FOXP2: variants seen among roughly 807,000 people sequenced by gnomAD.
The protein encoded by FOXP2 is forkhead box P2.
In FOXP2, 12 loss-of-function variants were observed where a neutral mutation model predicts 115.8. That is an observed-to-expected ratio of 0.10 (90% confidence interval 0.07 to 0.17). FOXP2 has a LOEUF of 0.17. Ranked by LOEUF, FOXP2 falls within the 10% of genes least tolerant of loss-of-function variation. The probability of loss-of-function intolerance (pLI) is 1.00; values close to 1 mark genes in which losing one functional copy is unlikely to be tolerated. For missense variants in FOXP2, 629 were observed against 843.5 expected, an observed-to-expected ratio of 0.75 and a Z score of 3.15; for synonymous variants, 328 against 297.7, an observed-to-expected ratio of 1.10 and a Z score of -1.05.
At chr7:114,471,625 C>T (rs1185924969) in intron 2 of FOXP2, among the ~76,000 whole-genome samples, 1 of 152,022 alleles carries the variant, frequency 6.6e-6, no homozygotes, top group Non-Finnish European at 1.5e-5. Flanking sequence ...TATTGTGGTT[C>T]TTAAAAACTG....
chr7:114,382,656 C>T (rs1477416652), intron 2 of FOXP2, among the ~76,000 whole-genome samples: 1 of 151,868 alleles, frequency 6.6e-6, no homozygotes, highest in Admixed American at 6.6e-5. Context: ...TTATAAAAAA[C>T]CGAAGTTGCC....
chr7:114,390,094 T>C (rs1792554811), intron 2 of FOXP2, among the ~76,000 whole-genome samples: 1 of 149,536 alleles, frequency 6.7e-6, no homozygotes, highest in Non-Finnish European at 1.5e-5. Flanking sequence ...TTTTCTGTGG[T>C]GTAAATATTG....
Position 114,102,696 on chromosome 7 carries a change from C to CACACACA in FOXP2, c.-247+14858_-247+14859insACACACA, listed in dbSNP as rs1554414685. 4.4e-5 allele frequency among the ~76,000 whole-genome samples: 6 copies of CACACACA among 136,388 alleles called. No homozygotes were observed. The East Asian group carries it at 1.2e-3, about 28-fold the overall frequency. 89.5% of individuals were successfully genotyped at this position (136,388 alleles called of 152,430 possible). The stretch of plus-strand genomic sequence containing the variant: ...GCTACACACATACAAACACCACACA[C>CACACACA]CACACACACACACACACACACACAC... On this transcript the variant is annotated intron_variant, in intron 1 of 19. Coordinates refer to the FOXP2 transcript ENST00000635638.
At chr7:114,387,984 GT>G (rs1792495471) in intron 2 of FOXP2, among the ~76,000 whole-genome samples, 1 of 152,022 alleles carries the variant, frequency 6.6e-6, no homozygotes, top group Non-Finnish European at 1.5e-5. Flanking sequence ...TTATCTTAAG[GT>G]TTCAGTCATA....
intron 2 of FOXP2, among the ~76,000 whole-genome samples, chr7:114,339,216 T>C (rs959955433): frequency 1.3e-5 from 2 of 151,202 alleles, no homozygotes; most frequent in African/African-American, 4.8e-5. Context: ...GTATTTCAGT[T>C]GTTTGAAGTT....
At chr7:114,437,056 A>ATTT (rs1218152302) in intron 2 of FOXP2, among the ~76,000 whole-genome samples, 2 of 152,168 alleles carry the variant, frequency 1.3e-5, no homozygotes, top group Non-Finnish European at 2.9e-5. Context: ...TTCATTCTTT[A>ATTT]TTTACATTGC....
At chr7:114,489,763 C>T (rs551027411) in intron 2 of FOXP2, among the ~76,000 whole-genome samples, 1 of 152,070 alleles carries the variant, frequency 6.6e-6, no homozygotes, top group Non-Finnish European at 1.5e-5. Context: ...AAATATGGAC[C>T]AAATACCCCA....
chr7:114,111,212 G>A (rs374805057), intron 1 of FOXP2, among the ~76,000 whole-genome samples: 2 of 152,140 alleles, frequency 1.3e-5, no homozygotes, highest in African/African-American at 4.8e-5. Flanking sequence ...TGGCCGGTGC[G>A]ACATCAGTGA....
At chr7:114,127,222 C>A (rs926796358) in intron 1 of FOXP2, among the ~76,000 whole-genome samples, 2 of 152,162 alleles carry the variant, frequency 1.3e-5, no homozygotes, top group African/African-American at 2.4e-5. Flanking sequence ...TCAAAGTCAA[C>A]AAGAGAGTCA....
At chr7:114,336,896 C>G (rs1185719777) in intron 2 of FOXP2, among the ~76,000 whole-genome samples, 1 of 151,402 alleles carries the variant, frequency 6.6e-6, no homozygotes, top group Non-Finnish European at 1.5e-5. Flanking sequence ...CTTTTCAGGA[C>G]AAATTTCACA....
intron 1 of FOXP2, among the ~76,000 whole-genome samples, chr7:114,256,861 C>A (rs998694652): frequency 6.6e-6 from 1 of 152,146 alleles, no homozygotes. Flanking sequence ...GTGAAAATGG[C>A]CATACTGCCC....
At chr7:114,281,162 C>T (rs905731628) in intron 1 of FOXP2, among the ~76,000 whole-genome samples, 5 of 129,152 alleles carry the variant, frequency 3.9e-5, no homozygotes, top group Non-Finnish European at 7.8e-5. Flanking sequence ...AGTGCCATGG[C>T]GTAATTTCGG....
rs1403729679 is a variant in FOXP2, at chr7:114,406,894, GC to G, written c.-10-19606del. Among the ~76,000 whole-genome samples the G allele has an allele frequency of 2.6e-5, 4 of 151,832 alleles. No homozygotes were observed. The East Asian group carries it at 7.7e-4, about 29-fold the overall frequency. The stretch of plus-strand genomic sequence containing the variant: ...TCCTATGGTAATTTAGACTAACATT[GC>G]CATTAAAATACAAAATTAGAAGTAA... On this transcript the variant is annotated intron_variant, in intron 2 of 17. Coordinates refer to the FOXP2 transcript ENST00000634411.
intron 5 of FOXP2, chr7:114,630,887 G>A (rs1332284638): frequency 6.5e-6 from 1 of 152,828 alleles, no homozygotes; most frequent in Non-Finnish European, 1.5e-5. Flanking sequence ...GTCTTTCTCT[G>A]AAGTGTGACT....
In FOXP2 at chr7:114,487,838, C is replaced by A. The variant is rs181281490; in HGVS notation, c.169-46779C>A. 4.1e-3 allele frequency among the ~76,000 whole-genome samples: 630 copies of A among 152,288 alleles called. 4 individuals carry two copies. Among genetic ancestry groups the A allele is most frequent in the Non-Finnish European group, 4.6e-3 (313 of 68,020 alleles). On this transcript the variant is annotated intron_variant, in intron 2 of 16. Coordinates refer to ENST00000350908, the MANE Select transcript of FOXP2 (RefSeq NM_014491.4). ...TCACCATCAGCATATTGGTCAAAGC[C>A]GTTCAACAAGTCTCTAGGAGGTTCC... is the stretch of plus-strand genomic sequence containing the variant.
chr7:114,684,315 T>TTCA (rs1808244625), intron 16 of FOXP2, among the ~76,000 whole-genome samples: 1 of 152,168 alleles, frequency 6.6e-6, no homozygotes, highest in Non-Finnish European at 1.5e-5. Context: ...ACAGTTGAAA[T>TTCA]GCAGCAGGGA....
At chr7:114,304,285 T>G (rs1339604955) in intron 2 of FOXP2, among the ~76,000 whole-genome samples, 1 of 151,816 alleles carries the variant, frequency 6.6e-6, no homozygotes, top group Non-Finnish European at 1.5e-5. Context: ...GTGAGGAGGC[T>G]CAATGCTAGA....
chr7:114,378,568 C>T (rs1454758204), intron 2 of FOXP2, among the ~76,000 whole-genome samples: 1 of 150,742 alleles, frequency 6.6e-6, no homozygotes, highest in Non-Finnish European at 1.5e-5. Flanking sequence ...CCTGTGATCC[C>T]AGCTACTAGG....
chr7:114,669,937 A>G (rs1377856001), intron 16 of FOXP2: 1 of 152,044 alleles, frequency 6.6e-6, no homozygotes, highest in African/African-American at 2.4e-5. Context: ...TCCCATTTTT[A>G]TATTTTCAAA....
Sources: allele counts gnomAD v4.1 joint callset (sites outside exome capture counted in the v4.1 genomes callset), GRCh38; gene constraint gnomAD v4.1.1; transcripts MANE v1.5; gene names NCBI Gene and HGNC (gene_info 2026-07-23, HGNC 2026-07-21).